The following KPNA1 variants were observed in gnomAD, a reference collection of about 807,000 sequenced individuals.
KPNA1 encodes importin subunit alpha-5.
KPNA1 carries 10 observed loss-of-function variants against 70.5 expected under a neutral mutation model. That is an observed-to-expected ratio of 0.14 (90% CI 0.09 to 0.24). KPNA1 has a LOEUF of 0.24. Among genes scored for constraint, KPNA1 ranks in the 10% least tolerant of loss-of-function variants. KPNA1 has a pLI of 1.00. For synonymous variants in KPNA1, 192 were observed against 221.9 expected (o/e 0.87, Z 1.20); for missense variants, 397 against 637.9 (o/e 0.62, Z 4.07).
intron 2 of KPNA1, among the ~76,000 whole-genome samples, chr3:122,484,627 A>G (rs539154561): frequency 1.8e-4 from 28 of 152,178 alleles, no homozygotes; most frequent in Middle Eastern, 6.8e-3. Context: ...TGGGAGACAG[A>G]GTGAGACTCC....
intron 1 of KPNA1, among the ~76,000 whole-genome samples, chr3:122,514,055 C>T (rs2076986428): frequency 6.6e-6 from 1 of 152,216 alleles, no homozygotes; most frequent in Non-Finnish European, 1.5e-5. Flanking sequence ...TTGTTTCCTC[C>T]TCCCGTTTTG....
chr3:122,452,636 AGAGAGG>A (rs1295505407), intron 6 of KPNA1, among the ~76,000 whole-genome samples: 2 of 64,226 alleles, frequency 3.1e-5, no homozygotes, highest in Admixed American at 3.8e-4. Context: ...GGGAGGGAGG[AGAGAGG>A]GAGGGAGGGA....
rs777181799 is a variant in KPNA1 at position 122,433,772 on chromosome 3, T to C, written c.1139A>G (p.Asn380Ser). 23 of 1,606,730 alleles carry C rather than the reference T, an allele frequency of 1.4e-5. No individual in the cohort carries two copies. Among genetic ancestry groups the C allele is most frequent in the Middle Eastern group, 1.7e-4 (1 of 6,042 alleles). ...RAQIQTVIDANIFPALISILQ... is the reference protein window; with the variant it reads ...RAQIQTVIDASIFPALISILQ... ...AATACTAATGAGGGCTGGGAAAATGTTGGCATCTATCACAGTCTAAAATTA... is the reference window on the plus strand; with the variant it reads ...AATACTAATGAGGGCTGGGAAAATGCTGGCATCTATCACAGTCTAAAATTA... Residue 380 changes from asparagine (N) to serine (S), a missense_variant, in exon 12 of 14, where the codon AAC (asparagine) becomes AGC (serine). Coordinates refer to ENST00000344337, the MANE Select transcript of KPNA1 (RefSeq NM_002264.4).
intron 5 of KPNA1, chr3:122,457,760 G>A: frequency 7.8e-7 from 1 of 1,289,652 alleles, no homozygotes; most frequent in Non-Finnish European, 1.0e-6. Context: ...GTTGAGGTAC[G>A]CCTGGTTCCC....
chr3:122,439,156 T>A, intron 10 of KPNA1, among the ~76,000 whole-genome samples: 1 of 152,168 alleles, frequency 6.6e-6, no homozygotes, highest in East Asian at 1.9e-4. Flanking sequence ...GACAAGCTAT[T>A]ACAAAGTACT....
chr3:122,433,555 A>G (rs746139638), intron 12 of KPNA1, 106 bp downstream of exon 12: 30 of 898,234 alleles, frequency 3.3e-5, no homozygotes, highest in Admixed American at 1.1e-4. Context: ...TTTCCCCTCA[A>G]AGGCAGCTAA....
At chr3:122,475,573 A>C (rs931623369) in intron 2 of KPNA1, among the ~76,000 whole-genome samples, 8 of 152,300 alleles carry the variant, frequency 5.3e-5, no homozygotes, top group Non-Finnish European at 8.8e-5. Context: ...ACAGAGGAGG[A>C]GGCTTCACAC....
rs2075819058 is a variant in KPNA1 at position 122,426,064 on chromosome 3, A to G, written c.*921T>C. 6.6e-6 allele frequency: 1 copy of G among 152,310 alleles called. No homozygotes were observed. Among genetic ancestry groups the G allele is most frequent in the African/African-American group, 2.4e-5 (1 of 41,440 alleles). 9.4% of individuals were successfully genotyped at this position (152,310 alleles called of 1,614,324 possible). A position where few individuals can be genotyped will look rare whatever the true frequency, so the allele number is the denominator to read the frequency against. ...ATTTTAATGCAGAAACACAGCCCCT[A>G]GTTACACTGATTGCATTTGGGAAAA... is the stretch of plus-strand genomic sequence containing the variant. On this transcript the variant is annotated 3_prime_UTR_variant, in exon 14 of 14. Coordinates refer to ENST00000344337, the MANE Select transcript of KPNA1 (RefSeq NM_002264.4).
intron 12 of KPNA1, chr3:122,432,595 T>A (rs1258938800): frequency 6.6e-6 from 1 of 152,220 alleles, no homozygotes; most frequent in Non-Finnish European, 1.5e-5. Context: ...TTTGAAACCA[T>A]CTTTCCTTAA....
intron 9 of KPNA1, among the ~76,000 whole-genome samples, chr3:122,445,396 A>G (rs2076123992): frequency 1.3e-5 from 2 of 152,170 alleles, no homozygotes; most frequent in South Asian, 4.1e-4. Flanking sequence ...GTTTTCAACC[A>G]AGAATGTCAT....
At chr3:122,482,082 C>T (rs1333968039) in intron 2 of KPNA1, among the ~76,000 whole-genome samples, 1 of 152,234 alleles carries the variant, frequency 6.6e-6, no homozygotes, top group African/African-American at 2.4e-5. Flanking sequence ...CTGAGAAATA[C>T]ATCACACGAC....
At chr3:122,458,300 T>C (rs1391283901) in intron 5 of KPNA1, among the ~76,000 whole-genome samples, 2 of 152,178 alleles carry the variant, frequency 1.3e-5, no homozygotes, top group African/African-American at 4.8e-5. Context: ...GGCTCAAGTC[T>C]ATCTGAGACC....
At chr3:122,510,996 T>C (rs183458992) in intron 1 of KPNA1, among the ~76,000 whole-genome samples, 28 of 152,298 alleles carry the variant, frequency 1.8e-4, no homozygotes, top group Non-Finnish European at 4.0e-4. Flanking sequence ...TAACGATCAA[T>C]GTGAACACAG....
At chr3:122,464,225 C>A (rs1279827693) in intron 3 of KPNA1, 184 bp from the exon 4 acceptor site, 1 of 397,416 alleles carries the variant, frequency 2.5e-6, no homozygotes, top group Non-Finnish European at 4.4e-6. Context: ...AAGCCAAATT[C>A]TTTGTCTATC....
chr3:122,476,416 G>A (rs1288280315), intron 2 of KPNA1, among the ~76,000 whole-genome samples: 8 of 152,198 alleles, frequency 5.3e-5, no homozygotes, highest in African/African-American at 7.2e-5. Flanking sequence ...AAAGCAGGGC[G>A]ACAAATGGGG....
At chr3:122,467,552 C>T (rs548494519) in intron 2 of KPNA1, 123 bp from the exon 3 acceptor site, 1 of 557,258 alleles carries the variant, frequency 1.8e-6, no homozygotes, top group Non-Finnish European at 3.1e-6. Context: ...AATTCTAAAG[C>T]TGTCAGCTTT....
At chr3:122,449,415 C>A (rs2076174864) in intron 9 of KPNA1, among the ~76,000 whole-genome samples, 159 bp downstream of exon 9, 1 of 152,122 alleles carries the variant, frequency 6.6e-6, no homozygotes, top group Admixed American at 6.5e-5. Flanking sequence ...TAAAACAAGA[C>A]AAACAGATCT....
rs192243066 is a variant in KPNA1 at position 122,457,512 on chromosome 3, A to G, written c.433-3511T>C. On this transcript the variant is annotated intron_variant, in intron 5 of 13. Transcript: ENST00000344337. ...TCTTAATATCCAAGAATGGCATCAT[A>G]CAAGGAAACAAGCTATCATGCAGCT... Among the ~76,000 whole-genome samples the G allele has an allele frequency of 2.5e-4, 38 of 152,326 alleles. 1 individual carries two copies. The highest frequency in any genetic ancestry group is 3.4e-3 in the Middle Eastern group (1 of 294).
chr3:122,455,276 G>A (rs1395808153), intron 5 of KPNA1, among the ~76,000 whole-genome samples: 1 of 152,206 alleles, frequency 6.6e-6, no homozygotes, highest in Admixed American at 6.5e-5. Flanking sequence ...ACCAATGGAT[G>A]TTCCAAAGAA....
Sources: allele counts gnomAD v4.1 joint callset (sites outside exome capture counted in the v4.1 genomes callset), GRCh38; gene constraint gnomAD v4.1.1; transcripts MANE v1.5; gene names NCBI Gene and HGNC (gene_info 2026-07-23, HGNC 2026-07-21).